The following LHFPL4 variants were observed in gnomAD, a reference collection of about 807,000 sequenced individuals.
LHFPL4 encodes the protein LHFPL tetraspan subfamily member 4 protein.
A neutral mutation model predicts 20.0 loss-of-function variants in LHFPL4; 6 were observed. The ratio of observed to expected loss-of-function variants is 0.30; its 90% CI spans 0.16 to 0.59. LHFPL4 has a LOEUF of 0.59. Ranked by LOEUF, LHFPL4 falls within the 20% of genes least tolerant of loss-of-function variation. The pLI is 0.88. For synonymous variants in LHFPL4, 129 were observed against 143.8 expected, an observed-to-expected ratio of 0.90 and a Z score of 0.74; for missense variants, 215 against 331.2, an observed-to-expected ratio of 0.65 and a Z score of 2.72.
chr3:9,502,062 C>A lies in LHFPL4; in HGVS notation c.*149G>T. The A allele has an allele frequency of 1.5e-6, 1 of 656,184 alleles. No individual in the cohort carries two copies. 40.6% of individuals were successfully genotyped at this position (656,184 alleles called of 1,614,324 possible). Reference sequence around the variant, plus strand: ...TCCCCCAGGCCACATCCAGGCTTTCCTCTCCTCAAAGCCTGGAGCTTGCAG... The same window carrying A: ...TCCCCCAGGCCACATCCAGGCTTTCATCTCCTCAAAGCCTGGAGCTTGCAG... On this transcript the variant is annotated 3_prime_UTR_variant, in exon 4 of 4. Coordinates refer to ENST00000287585, the MANE Select transcript of LHFPL4 (RefSeq NM_198560.3).
chr3:9,524,171 C>A (rs1218219369), intron 2 of LHFPL4, among the ~76,000 whole-genome samples: 4 of 149,336 alleles, frequency 2.7e-5, no homozygotes, highest in Non-Finnish European at 5.9e-5. Context: ...TTGATTTTTT[C>A]TAGTTTGAGT....
At chr3:9,520,427 C>T (rs1293118498) in intron 2 of LHFPL4, among the ~76,000 whole-genome samples, 82 of 152,054 alleles carry the variant, frequency 5.4e-4, no homozygotes, top group Non-Finnish European at 7.3e-5. Context: ...AATCTCGGCT[C>T]ACTACAACCT....
intron 2 of LHFPL4, among the ~76,000 whole-genome samples, chr3:9,540,615 TG>T (rs1226415621): frequency 6.6e-6 from 1 of 152,130 alleles, no homozygotes; most frequent in African/African-American, 2.4e-5. Context: ...CAGCCTGGGT[TG>T]GTCATAGTGG....
chr3:9,553,083 G>A (rs2125669774), intron 1 of LHFPL4, among the ~76,000 whole-genome samples: 1 of 151,870 alleles, frequency 6.6e-6, no homozygotes, highest in Non-Finnish European at 1.5e-5. Context: ...GAGGTGGAAT[G>A]GAGGCTGGAG....
intron 2 of LHFPL4, among the ~76,000 whole-genome samples, chr3:9,515,410 G>A (rs1250357248): frequency 6.6e-6 from 1 of 152,200 alleles, no homozygotes; most frequent in East Asian, 1.9e-4. Flanking sequence ...GTCTCGCTCT[G>A]TTGCCCAGGC....
At chr3:9,533,547 C>T (rs985421293) in intron 2 of LHFPL4, among the ~76,000 whole-genome samples, 1 of 152,176 alleles carries the variant, frequency 6.6e-6, no homozygotes, top group Non-Finnish European at 1.5e-5. Flanking sequence ...CTTTGCGAGG[C>T]CAAGGTGGGC....
intron 2 of LHFPL4, among the ~76,000 whole-genome samples, chr3:9,528,478 G>C (rs925114447): frequency 1.3e-5 from 2 of 151,896 alleles, no homozygotes. Context: ...TTCTATTTTC[G>C]CCACACCTTC....
At position 9,521,562 on chromosome 3, in the gene LHFPL4, G is replaced by T. The variant is rs112384523; in HGVS notation, c.407-15359C>A. Among the ~76,000 whole-genome samples the T allele has an allele frequency of 1.2e-3, 189 of 151,722 alleles. 2 individuals are homozygous for T. Among genetic ancestry groups the T allele is most frequent in the African/African-American group, 4.5e-3 (187 of 41,312 alleles). ...ACTACAGGGGCCCGCCACCACGCCC[G>T]GCTAATTTTTTTGTACTTTTTTAGT... On this transcript the variant is annotated intron_variant, in intron 2 of 3. Coordinates refer to ENST00000287585, the MANE Select transcript of LHFPL4 (RefSeq NM_198560.3).
chr3:9,513,008 G>A (rs1016174157), intron 2 of LHFPL4, among the ~76,000 whole-genome samples: 10 of 152,174 alleles, frequency 6.6e-5, no homozygotes, highest in Admixed American at 2.0e-4. Context: ...GCCCAGGCTG[G>A]AGTGCAGTGG....
intron 3 of LHFPL4, among the ~76,000 whole-genome samples, chr3:9,503,331 C>T (rs577882291): frequency 1.1e-4 from 17 of 152,298 alleles, no homozygotes; most frequent in Admixed American, 3.9e-4. Context: ...GTCACATCCC[C>T]ACACCCCTTC....
Position 9,552,753 on chromosome 3 carries a change from C to G in LHFPL4, c.-74G>C. The G allele has an allele frequency of 2.1e-6, 2 of 937,650 alleles. No homozygotes were observed. The highest frequency in any genetic ancestry group is 1.3e-6 in the Non-Finnish European group (1 of 758,718). The allele number at this position is 937,650 out of a possible 1,614,324, so 58.1% of individuals were successfully genotyped here. On this transcript the variant is annotated 5_prime_UTR_variant, in exon 2 of 4. Coordinates refer to ENST00000287585, the MANE Select transcript of LHFPL4 (RefSeq NM_198560.3). Reference sequence around the variant, plus strand: ...GGCCCGGGACGGAGCGCCGGGCTGCCGGGCGGGAGCTGGGGACGCACGCGA... The same window carrying G: ...GGCCCGGGACGGAGCGCCGGGCTGCGGGGCGGGAGCTGGGGACGCACGCGA...
rs1361825879 is a variant in LHFPL4, at chr3:9,502,109, C to G, written c.*102G>C. 4.8e-6 allele frequency: 4 copies of G among 840,150 alleles called. No individual in the cohort carries two copies. The highest frequency in any genetic ancestry group is 8.0e-6 in the Non-Finnish European group (4 of 499,792). 52.0% of individuals were successfully genotyped at this position (840,150 alleles called of 1,614,324 possible). A position where few individuals can be genotyped will look rare whatever the true frequency, so the allele number is the denominator to read the frequency against. On this transcript the variant is annotated 3_prime_UTR_variant, in exon 4 of 4. Coordinates refer to ENST00000287585, the MANE Select transcript of LHFPL4 (RefSeq NM_198560.3). ...GCAGGGTAGTCGGTGAGAAGTAAGTCTGAGATCAGGGTCTTCCCTCAGAGC... is the reference window on the plus strand; with the variant it reads ...GCAGGGTAGTCGGTGAGAAGTAAGTGTGAGATCAGGGTCTTCCCTCAGAGC...
intron 2 of LHFPL4, among the ~76,000 whole-genome samples, chr3:9,528,423 C>T (rs975747460): frequency 1.3e-5 from 2 of 152,104 alleles, no homozygotes; most frequent in African/African-American, 4.8e-5. Flanking sequence ...GAGATTGCAG[C>T]AATTCAGTCC....
chr3:9,516,936 C>T (rs764345511), intron 2 of LHFPL4, among the ~76,000 whole-genome samples: 94 of 151,734 alleles, frequency 6.2e-4, no homozygotes, highest in South Asian at 1.5e-3. Flanking sequence ...CCCGCCACCA[C>T]GCCGGGCTGA....
chr3:9,516,054 CT>C (rs143697436), intron 2 of LHFPL4, among the ~76,000 whole-genome samples: 6,226 of 152,242 alleles, frequency 0.041, 175 homozygotes, highest in Non-Finnish European at 0.062. Flanking sequence ...CAGTATGTGG[CT>C]TGTCTTTTCA....
intron 2 of LHFPL4, among the ~76,000 whole-genome samples, chr3:9,551,885 CTT>C (rs1037292379): frequency 1.3e-5 from 2 of 152,196 alleles, no homozygotes; most frequent in African/African-American, 4.8e-5. Flanking sequence ...AGCCAGATCT[CTT>C]GATTCACCAT....
intron 2 of LHFPL4, among the ~76,000 whole-genome samples, chr3:9,540,327 A>C (rs1020289817): frequency 1.3e-5 from 2 of 152,248 alleles, no homozygotes; most frequent in South Asian, 4.1e-4. Context: ...CCAAATGTTT[A>C]GTATATTACC....
At chr3:9,549,029 G>C (rs1461961680) in intron 2 of LHFPL4, among the ~76,000 whole-genome samples, 7 of 152,190 alleles carry the variant, frequency 4.6e-5, no homozygotes, top group Non-Finnish European at 8.8e-5. Flanking sequence ...TTGAACATCT[G>C]GATCTGTCCA....
At position 9,553,673 on chromosome 3, in the gene LHFPL4, G is replaced by C. The variant is rs965691149; in HGVS notation, c.-169+12C>G. The C allele has an allele frequency of 1.3e-5, 2 of 151,216 alleles. No individual in the cohort carries two copies. Among genetic ancestry groups the C allele is most frequent in the African/African-American group, 4.8e-5 (2 of 41,286 alleles). 9.4% of individuals were successfully genotyped at this position (151,216 alleles called of 1,614,324 possible). A position where few individuals can be genotyped will look rare whatever the true frequency, so the allele number is the denominator to read the frequency against. On this transcript the variant is annotated intron_variant, in intron 1 of 3. Transcript: ENST00000287585. ...GGCTGCGGCCGCGGGGAAAGGGTGCGGGGAGACCAACCTGGGCACGGCCGG... is the reference window on the plus strand; with the variant it reads ...GGCTGCGGCCGCGGGGAAAGGGTGCCGGGAGACCAACCTGGGCACGGCCGG...
Sources: allele counts gnomAD v4.1 joint callset (sites outside exome capture counted in the v4.1 genomes callset), GRCh38; gene constraint gnomAD v4.1.1; transcripts MANE v1.5; gene names NCBI Gene and HGNC (gene_info 2026-07-23, HGNC 2026-07-21).